Variants in NARS2 observed in about 807,000 individuals in gnomAD.
The protein encoded by NARS2 is asparaginyl-tRNA synthetase.
Under a neutral mutation model 62.9 loss-of-function variants are expected in NARS2, and 60 were observed. The ratio of observed to expected loss-of-function variants is 0.95; its 90% CI spans 0.77 to 1.18. NARS2 has a LOEUF of 1.18. NARS2 is among the 50% of genes most tolerant of loss of function. NARS2 has a pLI of 0.00. For missense variants in NARS2, 619 were observed against 576.4 expected (o/e 1.07, Z -0.76); for synonymous variants, 196 against 200.0 (o/e 0.98, Z 0.17).
At chr11:78,465,243 C>T (rs116198041) in intron 11 of NARS2, among the ~76,000 whole-genome samples, 2,426 of 152,354 alleles carry the variant, frequency 0.016, 62 homozygotes, top group African/African-American at 0.055. Context: ...CGCACTGGCC[C>T]GCAAGCACCG....
chr11:78,493,269 T>A, intron 6 of NARS2, 74 bp from the exon 7 acceptor site: 1 of 1,443,098 alleles, frequency 6.9e-7, no homozygotes, highest in Non-Finnish European at 9.5e-7. Context: ...TTCAGTGAGC[T>A]CTTACGGAAA....
chr11:78,543,350 C>T (rs1855705361), intron 5 of NARS2, among the ~76,000 whole-genome samples: 1 of 152,140 alleles, frequency 6.6e-6, no homozygotes, highest in Non-Finnish European at 1.5e-5. Flanking sequence ...AAATAAATGT[C>T]TAATTTCCAA....
At chr11:78,469,218 C>T (rs779756829) in intron 10 of NARS2, 29 bp downstream of exon 10, 3 of 1,481,994 alleles carry the variant, frequency 2.0e-6, no homozygotes, top group South Asian at 1.1e-5. Context: ...TTTTCACACA[C>T]ACATATATAC....
chr11:78,574,135 T>A (rs552987983), intron 1 of NARS2, among the ~76,000 whole-genome samples: 49 of 152,338 alleles, frequency 3.2e-4, no homozygotes, highest in Non-Finnish European at 6.6e-4. Context: ...TACCCTGGAA[T>A]CATGAAAGCA....
chr11:78,527,880 C>T (rs1168523632), intron 6 of NARS2, among the ~76,000 whole-genome samples: 1 of 152,090 alleles, frequency 6.6e-6, no homozygotes, highest in African/African-American at 2.4e-5. Context: ...GAGGCTGAGG[C>T]GGAAGAACCA....
intron 4 of NARS2, among the ~76,000 whole-genome samples, chr11:78,564,133 C>T (rs550710452): frequency 6.6e-6 from 1 of 151,916 alleles, no homozygotes; most frequent in South Asian, 2.1e-4. Flanking sequence ...CTCCTGAACT[C>T]AGGCAATCCG....
intron 12 of NARS2, among the ~76,000 whole-genome samples, chr11:78,441,816 A>G (rs1204350876): frequency 6.6e-6 from 1 of 152,202 alleles, no homozygotes; most frequent in Non-Finnish European, 1.5e-5. Flanking sequence ...TTCAACATTA[A>G]AACAATAATA....
intron 1 of NARS2, among the ~76,000 whole-genome samples, chr11:78,572,896 C>CA (rs1296587767): frequency 6.6e-6 from 1 of 152,120 alleles, no homozygotes; most frequent in Non-Finnish European, 1.5e-5. Flanking sequence ...ACACTTATAG[C>CA]ACATCTCAAT....
At chr11:78,527,870 G>A (rs1398760586) in intron 6 of NARS2, among the ~76,000 whole-genome samples, 2 of 152,182 alleles carry the variant, frequency 1.3e-5, no homozygotes, top group Non-Finnish European at 2.9e-5. Flanking sequence ...AGTGCTTTGG[G>A]AGGCTGAGGC....
At chr11:78,499,216 C>T (rs1860191310) in intron 6 of NARS2, among the ~76,000 whole-genome samples, 1 of 152,106 alleles carries the variant, frequency 6.6e-6, no homozygotes, top group Admixed American at 6.6e-5. Context: ...GCGCCCGGCC[C>T]ATCCTCAGTC....
At position 78,436,539 on chromosome 11, in the gene NARS2, T is replaced by TGATATCTTATGGCACAACAATTACATA; in HGVS notation, c.*104_*130dup. On this transcript the variant is annotated 3_prime_UTR_variant, in exon 14 of 14. Coordinates refer to ENST00000281038, the MANE Select transcript of NARS2 (RefSeq NM_024678.6). ...ATCACAACCACTTATATTTTTTCTA[T>TGATATCTTATGGCACAACAATTACATA]GATATCTTATGGCACAACAATTACA... is the stretch of plus-strand genomic sequence containing the variant. 1.8e-6 allele frequency: 2 copies of TGATATCTTATGGCACAACAATTACATA among 1,096,194 alleles called. No homozygotes were observed. Among genetic ancestry groups the TGATATCTTATGGCACAACAATTACATA allele is most frequent in the Admixed American group, 5.0e-5 (2 of 39,636 alleles). 67.9% of individuals were successfully genotyped at this position (1,096,194 alleles called of 1,614,324 possible).
intron 4 of NARS2, among the ~76,000 whole-genome samples, chr11:78,563,829 C>CAAAAA (rs1167838676): frequency 9.9e-4 from 14 of 14,122 alleles, no homozygotes; most frequent in African/African-American, 3.5e-3. Context: ...AACTCTGTAT[C>CAAAAA]AAAAAAAAAA....
intron 4 of NARS2, among the ~76,000 whole-genome samples, chr11:78,565,179 T>C (rs1206617514): frequency 6.6e-6 from 1 of 152,144 alleles, no homozygotes; most frequent in African/African-American, 2.4e-5. Context: ...TAGAGGGAAA[T>C]GGTTGAGAAG....
intron 10 of NARS2, 22 bp downstream of exon 10, chr11:78,469,225 A>G (rs1858762376): frequency 2.0e-6 from 3 of 1,529,358 alleles, no homozygotes; most frequent in African/African-American, 2.7e-5. Flanking sequence ...ACACACATAT[A>G]TACATACACA....
chr11:78,528,230 A>T (rs1285287013), intron 6 of NARS2, among the ~76,000 whole-genome samples: 1 of 152,190 alleles, frequency 6.6e-6, no homozygotes, highest in Non-Finnish European at 1.5e-5. Context: ...CACCTCTAAA[A>T]AAAATAAAAA....
At chr11:78,449,230 G>A (rs563443542) in intron 11 of NARS2, among the ~76,000 whole-genome samples, 18 of 141,102 alleles carry the variant, frequency 1.3e-4, no homozygotes, top group South Asian at 4.6e-4. Flanking sequence ...CCACCTCCCC[G>A]GTTCATGCTA....
At chr11:78,505,376 A>C (rs1296530454) in intron 6 of NARS2, among the ~76,000 whole-genome samples, 1 of 152,068 alleles carries the variant, frequency 6.6e-6, no homozygotes, top group Non-Finnish European at 1.5e-5. Flanking sequence ...TCAGTTTCAC[A>C]TAATAAGGGT....
chr11:78,534,467 A>G (rs546447765), intron 5 of NARS2, among the ~76,000 whole-genome samples: 2 of 152,326 alleles, frequency 1.3e-5, no homozygotes, highest in African/African-American at 4.8e-5. Context: ...ATTTCTTGGA[A>G]TGTTGGTACA....
At position 78,533,888 on chromosome 11, in the gene NARS2, TAA is replaced by T; in HGVS notation, c.595-4954_595-4953del. On this transcript the variant is annotated intron_variant, in intron 5 of 13. Transcript: ENST00000281038. ...GTCTTTTCCAGAATGTCACACAGTT[TAA>T]ATCATACAATATGTAGCCTTTTCAG... is the stretch of plus-strand genomic sequence containing the variant. Among the ~76,000 whole-genome samples, 2 of 152,372 alleles carry T rather than the reference TAA, an allele frequency of 1.3e-5. 1 individual carries two copies. Among genetic ancestry groups the T allele is most frequent in the South Asian group, 4.1e-4 (2 of 4,830 alleles).
Sources: allele counts gnomAD v4.1 joint callset (sites outside exome capture counted in the v4.1 genomes callset), GRCh38; gene constraint gnomAD v4.1.1; transcripts MANE v1.5; gene names NCBI Gene and HGNC (gene_info 2026-07-23, HGNC 2026-07-21).